The following NEDD9 variants were observed in gnomAD, a reference collection of about 807,000 sequenced individuals.
NEDD9 encodes the protein enhancer of filamentation 1.
Under a neutral mutation model 76.6 loss-of-function variants are expected in NEDD9, and 26 were observed. The ratio of observed to expected loss-of-function variants is 0.34; its 90% CI spans 0.25 to 0.47. NEDD9 has a LOEUF of 0.47. NEDD9 is among the 20% of genes least tolerant of loss of function. The probability of loss-of-function intolerance (pLI) is 1.00; values close to 1 mark genes in which losing one functional copy is unlikely to be tolerated. For missense variants in NEDD9, 937 were observed against 1,058.5 expected, an observed-to-expected ratio of 0.89 and a Z score of 1.59; for synonymous variants, 392 against 414.2, an observed-to-expected ratio of 0.95 and a Z score of 0.65.
intron 2 of NEDD9, among the ~76,000 whole-genome samples, chr6:11,332,404 C>A (rs548535731): frequency 6.6e-6 from 1 of 152,208 alleles, no homozygotes; most frequent in Non-Finnish European, 1.5e-5. Flanking sequence ...CAATGGTTCT[C>A]CATTACCTCC....
intron 3 of NEDD9, among the ~76,000 whole-genome samples, chr6:11,301,064 G>A (rs1334242876): frequency 3.9e-5 from 6 of 152,064 alleles, no homozygotes; most frequent in East Asian, 1.9e-4. Flanking sequence ...TAAAAGTCAC[G>A]GACTGGCAAA....
At chr6:11,233,007 C>G (rs1460127405), upstream of NEDD9, among the ~76,000 whole-genome samples, 1 of 152,178 alleles carries the variant, frequency 6.6e-6, no homozygotes, top group East Asian at 1.9e-4. Flanking sequence ...GTCGCGCTTC[C>G]TGTGACCTAG....
chr6:11,258,942 G>A (rs1760056454), intron 3 of NEDD9: 1 of 152,362 alleles, frequency 6.6e-6, no homozygotes, highest in Non-Finnish European at 1.5e-5. Context: ...GGAGACCAGT[G>A]GAGTCACTCT....
At chr6:11,245,094 C>T (rs1759782255) in intron 3 of NEDD9, among the ~76,000 whole-genome samples, 1 of 152,204 alleles carries the variant, frequency 6.6e-6, no homozygotes, top group South Asian at 2.1e-4. Flanking sequence ...GGCACTCAGT[C>T]AATATGCTGT....
At chr6:11,308,370 T>TC (rs1761254794) in intron 2 of NEDD9, among the ~76,000 whole-genome samples, 1 of 139,436 alleles carries the variant, frequency 7.2e-6, no homozygotes, top group Non-Finnish European at 1.6e-5. Flanking sequence ...TCTTTTTTTT[T>TC]TTTTTTTTTT....
At chr6:11,192,816 C>T (rs1758190728) in intron 3 of NEDD9, among the ~76,000 whole-genome samples, 1 of 150,322 alleles carries the variant, frequency 6.7e-6, no homozygotes. Flanking sequence ...ACCTGTAGTC[C>T]CAGCTACTTG....
chr6:11,213,048 G>A lies in NEDD9; in HGVS notation c.459+233C>T, dbSNP rs1307050846. ...ACCCATGTAACCCAGGATGACACAG[G>A]AACTTAGGAGGGCTGGAAATCAACT... On this transcript the variant is annotated intron_variant, in intron 2 of 6. Transcript: ENST00000379446. The surrounding 1 kb of genome is among the most constrained non-coding windows in gnomAD (Gnocchi z 5.4). Among the ~76,000 whole-genome samples, 1 of 152,202 alleles carries A rather than the reference G, an allele frequency of 6.6e-6. No homozygotes were observed. The highest frequency in any genetic ancestry group is 6.5e-5 in the Admixed American group (1 of 15,276).
intron 3 of NEDD9, among the ~76,000 whole-genome samples, chr6:11,288,056 C>T (rs1345672343): frequency 1.3e-5 from 2 of 152,216 alleles, no homozygotes; most frequent in Non-Finnish European, 2.9e-5. Context: ...CTGCAGACTG[C>T]TCCTGGCTTG....
chr6:11,371,682 G>A (rs7754647), intron 1 of NEDD9, among the ~76,000 whole-genome samples: 81,094 of 152,106 alleles, frequency 0.53, 22,310 homozygotes, highest in African/African-American at 0.65. Context: ...GTGAGAAATC[G>A]TGATGACGCT....
chr6:11,347,889 A>G (rs1223917635), intron 1 of NEDD9, among the ~76,000 whole-genome samples: 3 of 152,216 alleles, frequency 2.0e-5, no homozygotes, highest in African/African-American at 7.2e-5. Flanking sequence ...GAGCAAGACA[A>G]GGATGCCCTC....
chr6:11,249,946 C>T (rs1759884557), intron 3 of NEDD9, among the ~76,000 whole-genome samples: 1 of 152,158 alleles, frequency 6.6e-6, no homozygotes. Context: ...CCCAGAGATT[C>T]CTGCCACAGG....
In NEDD9 at chr6:11,191,292, C is replaced by T. The variant is rs147030111; in HGVS notation, c.664-87G>A. The T allele has an allele frequency of 1.1e-3, 1,640 of 1,437,332 alleles. 11 individuals carry two copies. In the African/African-American group the frequency reaches 0.018, roughly 16 times the overall value. 89.0% of individuals were successfully genotyped at this position (1,437,332 alleles called of 1,614,324 possible). ...CCATGTGCTCAGTCCTATTTGCTGG[C>T]ACTTTTTCGGTCGCCCTCCCCCGCC... On this transcript the variant is annotated intron_variant, in intron 4 of 6. Transcript: ENST00000379446.
At chr6:11,236,763 A>G (rs1413010245), upstream of NEDD9, among the ~76,000 whole-genome samples, 2 of 152,174 alleles carry the variant, frequency 1.3e-5, no homozygotes, top group African/African-American at 2.4e-5. The surrounding 1 kb of genome is among the most constrained non-coding windows in gnomAD (Gnocchi z 5.5). Context: ...CACGTTGCTC[A>G]CTACGTGTTT....
intron 1 of NEDD9, among the ~76,000 whole-genome samples, chr6:11,338,644 C>G (rs922016983): frequency 2.0e-5 from 3 of 152,082 alleles, no homozygotes; most frequent in African/African-American, 7.2e-5. Flanking sequence ...TTAAATTAGG[C>G]TGAGCGCAGT....
At chr6:11,264,395 A>G (rs1305012310) in intron 3 of NEDD9, among the ~76,000 whole-genome samples, 4 of 152,082 alleles carry the variant, frequency 2.6e-5, no homozygotes, top group Non-Finnish European at 2.9e-5. Flanking sequence ...ACCACCAGGG[A>G]TAGTGGAGTG....
intron 3 of NEDD9, among the ~76,000 whole-genome samples, chr6:11,289,515 C>T (rs4713343): frequency 0.28 from 42,263 of 152,010 alleles, 5,921 homozygotes; most frequent in Admixed American, 0.34. Flanking sequence ...TGCAGTGGCG[C>T]GATCTTGGCT....
intron 1 of NEDD9, among the ~76,000 whole-genome samples, chr6:11,215,769 C>T (rs1758936464): frequency 6.6e-6 from 1 of 152,104 alleles, no homozygotes; most frequent in African/African-American, 2.4e-5. Context: ...TGTATGGGAG[C>T]TGAGGGTTGG....
chr6:11,313,485 A>G (rs754036231), intron 2 of NEDD9, among the ~76,000 whole-genome samples: 3 of 130,996 alleles, frequency 2.3e-5, no homozygotes, highest in Non-Finnish European at 5.0e-5. Flanking sequence ...GGGTAGATAG[A>G]TGGATGGATG....
Position 11,378,808 on chromosome 6 carries a change from T to G in NEDD9, c.-214+3331A>C, listed in dbSNP as rs140057257. On this transcript the variant is annotated intron_variant, in intron 1 of 3. Coordinates refer to the NEDD9 transcript ENST00000397378. ...ATTACAGACCTTCACGAACCAGAGCTTCTAATCTGAAGCAAAAGTGAAAAG... is the reference window on the plus strand; with the variant it reads ...ATTACAGACCTTCACGAACCAGAGCGTCTAATCTGAAGCAAAAGTGAAAAG... 2.7e-3 allele frequency among the ~76,000 whole-genome samples: 405 copies of G among 152,310 alleles called. 1 individual carries two copies. Among genetic ancestry groups the G allele is most frequent in the African/African-American group, 9.3e-3 (387 of 41,570 alleles).
Sources: gnomAD v4.1 joint callset for allele counts (sites outside exome capture counted in the v4.1 genomes callset) on GRCh38, gnomAD v4.1.1 for gene constraint, Gnocchi (gnomAD v3.1) non-coding constraint, MANE v1.5 for transcripts, NCBI Gene and HGNC (gene_info 2026-07-23, HGNC 2026-07-21) for gene names.